NBPF20: variants seen among roughly 807,000 people sequenced by gnomAD.
The protein encoded by NBPF20 is NBPF family member NBPF20.
A neutral mutation model predicts 68.1 loss-of-function variants in NBPF20; 90 were observed. The ratio of observed to expected loss-of-function variants is 1.32; its 90% CI spans 1.11 to 1.58. The LOEUF (loss-of-function observed/expected upper bound fraction) is 1.58, where lower values mean the gene tolerates loss of function less well. Among genes scored for constraint, NBPF20 ranks in the 40% most tolerant of loss-of-function variants. The pLI is 0.00. For synonymous variants in NBPF20, 290 were observed against 228.1 expected (o/e 1.27, Z -2.45); for missense variants, 816 against 601.2 (o/e 1.36, Z -3.74).
chr1:145,400,974 G>A (rs494867), intron 5 of NBPF20, 85 bp downstream of exon 10: 19 of 1,529,884 alleles, frequency 1.2e-5, no homozygotes, highest in East Asian at 4.5e-5. Context: ...GTTTTTGGCC[G>A]ATCATAGATG....
At chr1:145,393,452 C>A (rs1486834172) in intron 9 of NBPF20, among the ~76,000 whole-genome samples, 1 of 118,536 alleles carries the variant, frequency 8.4e-6, no homozygotes, top group Non-Finnish European at 1.8e-5. Context: ...CTCACACACA[C>A]ACACAAACAC....
intron 7 of NBPF20, among the ~76,000 whole-genome samples, chr1:145,398,645 C>A (rs1371098812): frequency 1.3e-5 from 2 of 151,726 alleles, no homozygotes; most frequent in African/African-American, 4.9e-5. Context: ...AAAATTGACA[C>A]CCTAACATCA....
At chr1:145,292,567 C>A (rs587753159) in intron 136 of NBPF20, 78 bp from the exon 142 acceptor site, 44 of 735,746 alleles carry the variant, frequency 6.0e-5, no homozygotes, top group South Asian at 3.5e-4. Flanking sequence ...CTAATCCTCA[C>A]ACAGGGACCT....
chr1:145,416,827 G>GT, the NBPF20 span, among the ~76,000 whole-genome samples: 1 of 150,370 alleles, frequency 6.7e-6, no homozygotes, highest in Non-Finnish European at 1.5e-5. Flanking sequence ...CACACAAGGA[G>GT]TCACAGCTCA....
chr1:145,419,757 A>T, the NBPF20 span, among the ~76,000 whole-genome samples: 1 of 152,126 alleles, frequency 6.6e-6, no homozygotes, highest in Non-Finnish European at 1.5e-5. Context: ...TCCATGGGGT[A>T]GTGACCTGAG....
At chr1:145,397,655 G>A (rs61810783) in intron 7 of NBPF20, among the ~76,000 whole-genome samples, 2 of 152,138 alleles carry the variant, frequency 1.3e-5, no homozygotes, top group African/African-American at 2.4e-5. Context: ...GACCATTGAC[G>A]CTAGGAAGAA....
intron 8 of NBPF20, among the ~76,000 whole-genome samples, chr1:145,394,180 G>C (rs1329621137): frequency 6.6e-6 from 1 of 152,090 alleles, no homozygotes; most frequent in Non-Finnish European, 1.5e-5. Flanking sequence ...TCTGTCCTAG[G>C]CTTCTGTACA....
exon 137 of NBPF20, chr1:145,292,483 T>C: frequency 1.4e-6 from 1 of 716,162 alleles, no homozygotes; most frequent in Non-Finnish European, 2.5e-6. Context: ...CCCCTTCTTT[T>C]CAATTTCTGC....
At chr1:145,291,840 G>C (rs1367586137) in intron 137 of NBPF20, 71 bp from the exon 143 acceptor site, 8 of 1,610,960 alleles carry the variant, frequency 5.0e-6, no homozygotes, top group Non-Finnish European at 5.9e-6. Context: ...CTAGATTTCA[G>C]AAGTCACATA....
chr1:145,425,079 G>A, the NBPF20 span, among the ~76,000 whole-genome samples: 3 of 151,988 alleles, frequency 2.0e-5, no homozygotes, highest in Non-Finnish European at 4.4e-5. Context: ...GAAGCTGCTC[G>A]TCCCTCCACC....
In NBPF20 at chr1:145,393,655, A is replaced by G. The variant is rs1458164047; in HGVS notation, c.1043+229T>C. 8.4e-6 allele frequency: 10 copies of G among 1,192,796 alleles called. No individual in the cohort carries two copies. The South Asian group carries it at 1.4e-4, about 16-fold the overall frequency. The allele number at this position is 1,192,796 out of a possible 1,614,324, so 73.9% of individuals were successfully genotyped here. On this transcript the variant is annotated intron_variant, in intron 9 of 137. Coordinates refer to ENST00000369373, the Ensembl canonical transcript of NBPF20. ...GTTTCCCTGCAGTTACCATGAGAAT[A>G]CAGCTTTTGAGTTATGGTCAACTTT...
upstream of NBPF20, among the ~76,000 whole-genome samples, chr1:145,406,235 A>G (rs1288095252): frequency 1.3e-5 from 2 of 151,364 alleles, no homozygotes; most frequent in African/African-American, 2.4e-5. Flanking sequence ...CGCCCGGCCG[A>G]CTTCTCTTTA....
At chr1:145,292,099 G>C (rs1461009638) in intron 137 of NBPF20, among the ~76,000 whole-genome samples, 5 of 149,630 alleles carry the variant, frequency 3.3e-5, no homozygotes, top group Admixed American at 2.6e-4. Flanking sequence ...ATCATGAAAA[G>C]AGTGAGCTCA....
At chr1:145,415,165 G>T in the NBPF20 span, among the ~76,000 whole-genome samples, 8 of 151,588 alleles carry the variant, frequency 5.3e-5, no homozygotes, top group South Asian at 1.0e-3. Flanking sequence ...CATAAACAAG[G>T]TAAAGAAAAA....
chr1:145,366,591 G>A (rs61801149), intron 43 of NBPF20, among the ~76,000 whole-genome samples: 6 of 97,218 alleles, frequency 6.2e-5, no homozygotes, highest in South Asian at 3.3e-4. Context: ...CACACACACA[G>A]ACACACACAC....
the NBPF20 span, among the ~76,000 whole-genome samples, chr1:145,425,555 G>A: frequency 3.3e-5 from 5 of 152,208 alleles, no homozygotes; most frequent in Admixed American, 2.0e-4. Context: ...CCGCCGCCCA[G>A]CCCATAGCCT....
chr1:145,352,249 G>A (rs1172338178), intron 61 of NBPF20, among the ~76,000 whole-genome samples, 160 bp from the exon 67 acceptor site: 1 of 61,958 alleles, frequency 1.6e-5, no homozygotes, highest in South Asian at 7.2e-4. Flanking sequence ...GGACAGAACA[G>A]GGCCAAATGG....
chr1:145,412,218 G>A, the NBPF20 span, among the ~76,000 whole-genome samples: 2 of 151,844 alleles, frequency 1.3e-5, no homozygotes, highest in Non-Finnish European at 2.9e-5. Flanking sequence ...ATGTTCCTCT[G>A]GCTCTGATAT....
intron 137 of NBPF20, among the ~76,000 whole-genome samples, chr1:145,292,112 A>G (rs1195410958): frequency 6.7e-6 from 1 of 149,736 alleles, no homozygotes; most frequent in Non-Finnish European, 1.5e-5. Flanking sequence ...TGAGCTCAAT[A>G]GTTTTCCATA....
Sources: allele counts gnomAD v4.1 joint callset (sites outside exome capture counted in the v4.1 genomes callset), GRCh38; gene constraint gnomAD v4.1.1; transcripts MANE v1.5; gene names NCBI Gene and HGNC (gene_info 2026-07-23, HGNC 2026-07-21).